GRID1: variants seen among roughly 807,000 people sequenced by gnomAD.
The protein encoded by GRID1 is glutamate receptor ionotropic, delta-1.
A neutral mutation model predicts 98.0 loss-of-function variants in GRID1; 28 were observed. The observed-to-expected ratio is 0.29, with a 90% CI of 0.21 to 0.39. The LOEUF (loss-of-function observed/expected upper bound fraction) is 0.39, where lower values mean the gene tolerates loss of function less well. GRID1 is among the 10% of genes least tolerant of loss of function. The pLI is 1.00. For missense variants in GRID1, 1,111 were observed against 1,340.5 expected (o/e 0.83, Z 2.67); for synonymous variants, 553 against 538.5 (o/e 1.03, Z -0.37).
chr10:86,333,266 C>T (rs1003935184), intron 2 of GRID1, among the ~76,000 whole-genome samples: 4 of 152,228 alleles, frequency 2.6e-5, no homozygotes, highest in African/African-American at 9.6e-5. Context: ...CATTTCAAAA[C>T]CCCAACTAAA....
intron 4 of GRID1, among the ~76,000 whole-genome samples, chr10:85,950,946 G>A (rs1158805845): frequency 2.0e-5 from 3 of 152,172 alleles, no homozygotes; most frequent in Admixed American, 6.5e-5. Flanking sequence ...CCTGGGCCTG[G>A]AGTATATGTG....
At chr10:85,878,888 G>C (rs1430962085) in intron 5 of GRID1, among the ~76,000 whole-genome samples, 1 of 152,090 alleles carries the variant, frequency 6.6e-6, no homozygotes, top group Admixed American at 6.5e-5. Flanking sequence ...CTCACGTGCA[G>C]AGACACAAAT....
At chr10:86,329,867 C>T (rs1848112553) in intron 2 of GRID1, among the ~76,000 whole-genome samples, 1 of 152,182 alleles carries the variant, frequency 6.6e-6, no homozygotes, top group African/African-American at 2.4e-5. Flanking sequence ...CACAGTTTGG[C>T]ATCACTGGTG....
At chr10:85,914,778 T>G (rs1841588950) in intron 5 of GRID1, among the ~76,000 whole-genome samples, 2 of 152,208 alleles carry the variant, frequency 1.3e-5, no homozygotes, top group South Asian at 4.1e-4. Flanking sequence ...ATAATAAACC[T>G]GCATCTTCCA....
chr10:85,739,871 T>C (rs138445423), intron 8 of GRID1, among the ~76,000 whole-genome samples: 1 of 152,296 alleles, frequency 6.6e-6, no homozygotes, highest in East Asian at 1.9e-4. Flanking sequence ...GGTGCACATA[T>C]AAGCTTAAGC....
intron 3 of GRID1, among the ~76,000 whole-genome samples, chr10:86,170,181 G>A (rs144706442): frequency 2.0e-5 from 3 of 152,316 alleles, no homozygotes; most frequent in East Asian, 3.9e-4. Context: ...AGCCTGAGTG[G>A]CTCTGGCCCA....
At chr10:85,695,392 A>G (rs1841382096) in intron 12 of GRID1, among the ~76,000 whole-genome samples, 1 of 152,206 alleles carries the variant, frequency 6.6e-6, no homozygotes, top group Non-Finnish European at 1.5e-5. Flanking sequence ...AGCTTTCCTG[A>G]ATTATATAAT....
At chr10:86,182,904 T>C (rs1043821225) in intron 3 of GRID1, among the ~76,000 whole-genome samples, 20 of 152,186 alleles carry the variant, frequency 1.3e-4, no homozygotes, top group African/African-American at 4.8e-4. Context: ...TTCTTTGGCA[T>C]GGACAAAGAA....
At position 86,172,970 on chromosome 10, in the gene GRID1, C is replaced by G. The variant is rs573358201; in HGVS notation, c.520+33394G>C. ...ACCCTCAAATTAAGTTGAAGAAAAT[C>G]TCCAGCATCACATCTTTCACATGTA... On this transcript the variant is annotated intron_variant, in intron 3 of 15. Transcript: ENST00000327946. Among the ~76,000 whole-genome samples, 3 of 152,310 alleles carry G rather than the reference C, an allele frequency of 2.0e-5. No individual in the cohort carries two copies. The South Asian group carries it at 6.2e-4, about 32-fold the overall frequency.
chr10:85,761,286 T>C (rs1042837077), intron 8 of GRID1, among the ~76,000 whole-genome samples: 1 of 152,164 alleles, frequency 6.6e-6, no homozygotes, highest in African/African-American at 2.4e-5. Context: ...TTATCTCACG[T>C]CCCCAAACCA....
chr10:85,775,062 A>T (rs958731499), intron 8 of GRID1, among the ~76,000 whole-genome samples: 2 of 152,156 alleles, frequency 1.3e-5, no homozygotes, highest in African/African-American at 4.8e-5. Flanking sequence ...AATAGCAAAG[A>T]CTTGGAACCA....
intron 5 of GRID1, among the ~76,000 whole-genome samples, chr10:85,898,637 C>G (rs999191093): frequency 2.0e-5 from 3 of 151,956 alleles, no homozygotes; most frequent in African/African-American, 7.3e-5. Flanking sequence ...GACACTTAGG[C>G]CTACACAGGG....
chr10:85,660,181 T>C (rs531659185), intron 12 of GRID1, among the ~76,000 whole-genome samples: 1 of 152,338 alleles, frequency 6.6e-6, no homozygotes, highest in East Asian at 1.9e-4. Flanking sequence ...TGCAGGTGCC[T>C]GCAATGCCTG....
chr10:86,230,935 G>A (rs113209955), intron 2 of GRID1, among the ~76,000 whole-genome samples: 45 of 152,266 alleles, frequency 3.0e-4, no homozygotes, highest in African/African-American at 9.9e-4. Context: ...GGCGGTGTGG[G>A]CAGTGACAGG....
chr10:86,293,674 C>A (rs1367942718), intron 2 of GRID1, among the ~76,000 whole-genome samples: 1 of 152,182 alleles, frequency 6.6e-6, no homozygotes, highest in Non-Finnish European at 1.5e-5. Context: ...AACCTGCATC[C>A]ACACCAACCT....
At chr10:85,765,261 T>C (rs1404587382) in intron 8 of GRID1, among the ~76,000 whole-genome samples, 1 of 152,194 alleles carries the variant, frequency 6.6e-6, no homozygotes, top group Non-Finnish European at 1.5e-5. Context: ...ATGATTACCC[T>C]TAGAAAGCTC....
chr10:85,709,456 A>T (rs1251552676), intron 12 of GRID1, among the ~76,000 whole-genome samples: 1 of 152,260 alleles, frequency 6.6e-6, no homozygotes, highest in Non-Finnish European at 1.5e-5. Context: ...AGACTAGTGG[A>T]ACATACAACA....
At chr10:86,250,441 G>A (rs185052321) in intron 2 of GRID1, among the ~76,000 whole-genome samples, 1 of 152,366 alleles carries the variant, frequency 6.6e-6, no homozygotes, top group Admixed American at 6.5e-5. Flanking sequence ...GTATTCATCA[G>A]CCAAGAGAAA....
chr10:85,775,303 A>C (rs1030915887), intron 8 of GRID1, among the ~76,000 whole-genome samples: 1 of 134,010 alleles, frequency 7.5e-6, no homozygotes, highest in African/African-American at 2.8e-5. Flanking sequence ...AGGAAGGGGA[A>C]CATCACACTG....
Sources: allele counts gnomAD v4.1 joint callset (sites outside exome capture counted in the v4.1 genomes callset), GRCh38; gene constraint gnomAD v4.1.1; transcripts MANE v1.5; gene names NCBI Gene and HGNC (gene_info 2026-07-23, HGNC 2026-07-21).